Variants in AHCYL2 observed in about 807,000 individuals in gnomAD.
AHCYL2 encodes adenosylhomocysteinase like 2, also known as S-adenosylhomocysteine hydrolase-like protein 2.
AHCYL2 carries 28 observed loss-of-function variants against 81.4 expected under a neutral mutation model. The observed-to-expected ratio is 0.34, with a 90% CI of 0.25 to 0.47. The LOEUF is 0.47. AHCYL2 is among the 20% of genes least tolerant of loss of function. The pLI, the probability that AHCYL2 is intolerant of heterozygous loss-of-function variation, is 1.00. For missense variants in AHCYL2, 551 were observed against 785.1 expected (o/e 0.70, Z 3.56); for synonymous variants, 272 against 290.2 (o/e 0.94, Z 0.64).
intron 1 of AHCYL2, among the ~76,000 whole-genome samples, chr7:129,283,936 A>C (rs1326274263): frequency 6.6e-6 from 1 of 152,204 alleles, no homozygotes; most frequent in African/African-American, 2.4e-5. Flanking sequence ...AAAAAACAAA[A>C]TCAAAATCCA....
intron 2 of AHCYL2, among the ~76,000 whole-genome samples, chr7:129,381,345 A>G (rs1049656815): frequency 6.6e-6 from 1 of 152,060 alleles, no homozygotes; most frequent in Non-Finnish European, 1.5e-5. Context: ...AAAAATATCT[A>G]TTTACCTGGA....
intron 1 of AHCYL2, among the ~76,000 whole-genome samples, chr7:129,262,703 G>A (rs1795684280): frequency 6.6e-6 from 1 of 152,184 alleles, no homozygotes. Flanking sequence ...ATAATGAGGT[G>A]TGTCTGACCT....
chr7:129,304,204 C>G (rs748311556), intron 1 of AHCYL2, among the ~76,000 whole-genome samples: 1 of 152,008 alleles, frequency 6.6e-6, no homozygotes, highest in Non-Finnish European at 1.5e-5. Flanking sequence ...TTCCAAAATT[C>G]TTGTTATTGA....
At chr7:129,405,265 A>C in intron 8 of AHCYL2, 52 bp downstream of exon 8, 1 of 1,409,380 alleles carries the variant, frequency 7.1e-7, no homozygotes, top group Non-Finnish European at 9.7e-7. Context: ...TGAGATTCTA[A>C]GTTTTTTGGC....
intron 1 of AHCYL2, among the ~76,000 whole-genome samples, chr7:129,295,483 A>G (rs1050499272): frequency 6.6e-6 from 1 of 152,238 alleles, no homozygotes; most frequent in Non-Finnish European, 1.5e-5. Flanking sequence ...AGCTGAAAAA[A>G]TAGGCAGTAG....
intron 1 of AHCYL2, among the ~76,000 whole-genome samples, chr7:129,342,686 G>A (rs1003145518): frequency 5.3e-5 from 8 of 152,116 alleles, no homozygotes; most frequent in Non-Finnish European, 8.8e-5. Context: ...CCATTAGACT[G>A]TTTCAAAGTG....
At chr7:129,349,195 C>CAGAG (rs1793464702) in intron 1 of AHCYL2, among the ~76,000 whole-genome samples, 1 of 152,082 alleles carries the variant, frequency 6.6e-6, no homozygotes, top group Non-Finnish European at 1.5e-5. Flanking sequence ...TGTTTTGATT[C>CAGAG]TATCTAGGTT....
At chr7:129,400,461 G>A in intron 6 of AHCYL2, 77 bp downstream of exon 6, 3 of 1,352,960 alleles carry the variant, frequency 2.2e-6, no homozygotes, top group Non-Finnish European at 3.1e-6. Flanking sequence ...CTAGGAGAGG[G>A]TTTCCCAACA....
At chr7:129,373,634 CTTG>C (rs1194016906) in intron 1 of AHCYL2, among the ~76,000 whole-genome samples, 5 of 151,900 alleles carry the variant, frequency 3.3e-5, no homozygotes, top group Admixed American at 2.6e-4. Context: ...ACAGACAAAA[CTTG>C]TTAAGTGGTA....
At chr7:129,349,764 G>A (rs56413246) in intron 1 of AHCYL2, among the ~76,000 whole-genome samples, 1 of 151,264 alleles carries the variant, frequency 6.6e-6, no homozygotes, top group Non-Finnish European at 1.5e-5. Flanking sequence ...GGCTATGTAA[G>A]ATGCCCTGGT....
chr7:129,279,415 T>C (rs1796348720), intron 1 of AHCYL2, among the ~76,000 whole-genome samples: 2 of 151,954 alleles, frequency 1.3e-5, no homozygotes, highest in Admixed American at 6.6e-5. Context: ...TCCTGGCCAG[T>C]GTTTAATAGT....
At chr7:129,303,647 C>T (rs1275040118) in intron 1 of AHCYL2, among the ~76,000 whole-genome samples, 1 of 152,062 alleles carries the variant, frequency 6.6e-6, no homozygotes, top group African/African-American at 2.4e-5. Context: ...ATTTCAACTT[C>T]ATTTATTTCT....
intron 1 of AHCYL2, among the ~76,000 whole-genome samples, chr7:129,340,916 G>A (rs1420458229): frequency 6.6e-6 from 1 of 151,902 alleles, no homozygotes; most frequent in Non-Finnish European, 1.5e-5. Flanking sequence ...TTTTGTTCAT[G>A]AGCTCATATT....
rs185490411 is a variant in AHCYL2 at position 129,381,926 on chromosome 7, A to G, written c.475+2177A>G. ...TTTGCTTCTTTAGCAGCTGCATCAC[A>G]TGCACTGTTACCTTGTTTTGTTTTT... On this transcript the variant is annotated intron_variant, in intron 2 of 16. Coordinates refer to ENST00000325006, the MANE Select transcript of AHCYL2 (RefSeq NM_015328.4). Among the ~76,000 whole-genome samples, 98 of 152,292 alleles carry G rather than the reference A, an allele frequency of 6.4e-4. 1 individual carries two copies. In the East Asian group the frequency reaches 0.012, roughly 19 times the overall value.
At chr7:129,299,736 T>C (rs1482198835) in intron 1 of AHCYL2, among the ~76,000 whole-genome samples, 4 of 152,090 alleles carry the variant, frequency 2.6e-5, no homozygotes, top group Non-Finnish European at 4.4e-5. Context: ...AGAAAACTTG[T>C]CAGAGGGGTG....
chr7:129,254,724 C>T (rs879377687), intron 1 of AHCYL2, among the ~76,000 whole-genome samples: 7 of 152,164 alleles, frequency 4.6e-5, no homozygotes, highest in Non-Finnish European at 8.8e-5. Context: ...GCAGTGTTAT[C>T]CACAAGTTTC....
intron 1 of AHCYL2, among the ~76,000 whole-genome samples, chr7:129,229,722 A>T (rs1794351947): frequency 6.6e-6 from 1 of 152,240 alleles, no homozygotes; most frequent in East Asian, 1.9e-4. Context: ...CTTTAGGAAG[A>T]GGATGGGAGA....
At chr7:129,389,597 C>G (rs749102491) in intron 3 of AHCYL2, 37 bp from the exon 4 acceptor site, 2 of 1,492,470 alleles carry the variant, frequency 1.3e-6, no homozygotes, top group East Asian at 2.3e-5. Context: ...CTTATTCCTT[C>G]TTCTTTAATA....
At chr7:129,349,066 A>G (rs968376602) in intron 1 of AHCYL2, among the ~76,000 whole-genome samples, 4 of 152,166 alleles carry the variant, frequency 2.6e-5, no homozygotes, top group Non-Finnish European at 5.9e-5. Flanking sequence ...CACAACTTTT[A>G]TCTTTTCTAA....
Sources: gnomAD v4.1 joint callset for allele counts (sites outside exome capture counted in the v4.1 genomes callset) on GRCh38, gnomAD v4.1.1 for gene constraint, MANE v1.5 for transcripts, NCBI Gene and HGNC (gene_info 2026-07-23, HGNC 2026-07-21) for gene names.